Variants in MAP2K3 observed in about 807,000 individuals in gnomAD.
MAP2K3 encodes the protein dual specificity mitogen-activated protein kinase kinase 3.
MAP2K3 carries 30 observed loss-of-function variants against 46.4 expected under a neutral mutation model. That is an observed-to-expected ratio of 0.65 (90% CI 0.48 to 0.88). The LOEUF is 0.88. Among genes scored for constraint, MAP2K3 ranks in the 40% least tolerant of loss-of-function variants. The probability of loss-of-function intolerance (pLI) is 0.00; values close to 1 mark genes in which losing one functional copy is unlikely to be tolerated. For missense variants in MAP2K3, 380 were observed against 464.5 expected, an observed-to-expected ratio of 0.82 and a Z score of 1.67; for synonymous variants, 189 against 176.3, an observed-to-expected ratio of 1.07 and a Z score of -0.57.
chr17:21,312,223 T>C lies in MAP2K3; in HGVS notation c.856T>C (p.Ser286Pro). 6.2e-7 allele frequency: 1 copy of C among 1,601,932 alleles called. No individual in the cohort carries two copies. The highest frequency in any genetic ancestry group is 8.5e-7 in the Non-Finnish European group (1 of 1,175,828). ...QQLKQVVEEP[S>P]PQLPADRFSP... ...GCTGAAGCAGGTGGTGGAGGAGCCG[T>C]CCCCCCAGCTCCCAGCCGACCGTTT... Residue 286 changes from serine to proline, a missense_variant, in exon 10 of 12, where the codon TCC (serine) becomes CCC (proline). Physicochemically the swap from Ser to Pro is moderately conservative, Grantham distance 74 (BLOSUM62 -1). Coordinates refer to ENST00000342679, the MANE Select transcript of MAP2K3 (RefSeq NM_145109.3).
At chr17:21,299,127 T>C (rs1161533250) in intron 3 of MAP2K3, among the ~76,000 whole-genome samples, 4 of 152,304 alleles carry the variant, frequency 2.6e-5, no homozygotes, top group Non-Finnish European at 4.4e-5. Context: ...ATGAGGACCA[T>C]CGGCTGCCTG....
intron 1 of MAP2K3, chr17:21,291,777 T>G (rs982626839): frequency 5.2e-5 from 19 of 362,776 alleles, no homozygotes; most frequent in African/African-American, 4.0e-4. Context: ...AACCCCATCT[T>G]AGGAGTGAGT....
In MAP2K3 at chr17:21,300,799, T is replaced by C. The variant is rs571320139; in HGVS notation, c.280-75T>C. 2.0e-5 allele frequency: 33 copies of C among 1,612,334 alleles called. No homozygotes were observed. In the Middle Eastern group the frequency reaches 6.6e-4, roughly 32 times the overall value. ...CACACTGGGCAGTGGCCCCCTGAGC[T>C]CCTGGCCCTCCTGTCATGAGTGTGG... On this transcript the variant is annotated intron_variant, in intron 4 of 11. Transcript: ENST00000342679.
chr17:21,306,694 G>T (rs1434391385), intron 9 of MAP2K3, among the ~76,000 whole-genome samples: 1 of 152,208 alleles, frequency 6.6e-6, no homozygotes, highest in East Asian at 1.9e-4. Context: ...TGTTGGCGAG[G>T]CTGGTCTTGA....
chr17:21,302,041 G>A lies in MAP2K3; in HGVS notation c.400-102G>A, dbSNP rs903635533. The stretch of plus-strand genomic sequence containing the variant: ...GTGGCTGAGTGGGTGGGCACACGTC[G>A]GAGAGGGGGCTGGGGCTGGGGCTGG... On this transcript the variant is annotated intron_variant, in intron 5 of 11. Coordinates refer to ENST00000342679, the MANE Select transcript of MAP2K3 (RefSeq NM_145109.3). 41 of 7,730 alleles carry A rather than the reference G, an allele frequency of 5.3e-3. No homozygotes were observed. In the East Asian group the frequency reaches 0.22, roughly 41 times the overall value. The allele number at this position is 7,730 out of a possible 1,614,324, so 0.5% of individuals were successfully genotyped here. A position where few individuals can be genotyped will look rare whatever the true frequency, so the allele number is the denominator to read the frequency against.
At chr17:21,303,562 C>A (rs1180010422) in intron 7 of MAP2K3, among the ~76,000 whole-genome samples, 1 of 152,312 alleles carries the variant, frequency 6.6e-6, no homozygotes, top group African/African-American at 2.4e-5. Context: ...CTCCAAGATG[C>A]AGGACAATTC....
chr17:21,302,321 C>T (rs1976654347), intron 6 of MAP2K3, 62 bp downstream of exon 6: 1 of 1,512,802 alleles, frequency 6.6e-7, no homozygotes, highest in Non-Finnish European at 9.2e-7. Context: ...CCAGCCCTGC[C>T]AGCAGGCATG....
intron 3 of MAP2K3, 79 bp downstream of exon 3, chr17:21,299,005 T>G: frequency 1.9e-6 from 3 of 1,586,170 alleles, no homozygotes; most frequent in Non-Finnish European, 2.6e-6. Context: ...AGGGCCACTT[T>G]GGGGGGAGGT....
At chr17:21,302,851 G>C (rs2144597452) in intron 6 of MAP2K3, among the ~76,000 whole-genome samples, 1 of 152,428 alleles carries the variant, frequency 6.6e-6, no homozygotes, top group African/African-American at 2.4e-5. Flanking sequence ...CTAGAATACT[G>C]GCTCTGCCAC....
At chr17:21,308,332 G>C (rs2063813046) in intron 9 of MAP2K3, among the ~76,000 whole-genome samples, 1 of 152,292 alleles carries the variant, frequency 6.6e-6, no homozygotes, top group South Asian at 2.1e-4. Flanking sequence ...ATTTTTAGTA[G>C]AGACGGGGTT....
At chr17:21,302,570 AC>A (rs1976667862) in intron 6 of MAP2K3, among the ~76,000 whole-genome samples, 1 of 152,312 alleles carries the variant, frequency 6.6e-6, no homozygotes, top group Non-Finnish European at 1.5e-5. Flanking sequence ...AGTATTTACA[AC>A]AGCGTCATAC....
At chr17:21,313,592 T>TGGGGGGGGGGGGGG in intron 11 of MAP2K3, 55 bp downstream of exon 11, 2 of 819,720 alleles carry the variant, frequency 2.4e-6, no homozygotes. Flanking sequence ...TGGGGCTGGG[T>TGGGGGGGGGGGGGG]GGGGCTCTGG....
At chr17:21,313,846 A>G (rs1008827938) in intron 11 of MAP2K3, 32 of 570,450 alleles carry the variant, frequency 5.6e-5, no homozygotes, top group Non-Finnish European at 7.2e-5. Context: ...GGAAGGATGA[A>G]TAAGGGTTAT....
At position 21,300,638 on chromosome 17, in the gene MAP2K3, G is replaced by A. The variant is rs1204923291; in HGVS notation, c.259G>A (p.Gly87Ser). The stretch of plus-strand genomic sequence containing the variant: ...AGAGAAGGTGCGGCACGCCCAGAGC[G>A]GCACCATCATGGCCGTGAAGGTGAG... ...VVEKVRHAQS[G>S]TIMAVKRIRA... Residue 87 changes from glycine to serine, a missense_variant, in exon 4 of 12, where the codon GGC becomes AGC. Coordinates refer to ENST00000342679, the MANE Select transcript of MAP2K3 (RefSeq NM_145109.3). 7.5e-6 allele frequency: 12 copies of A among 1,610,582 alleles called. No homozygotes were observed. Among genetic ancestry groups the A allele is most frequent in the Admixed American group, 1.7e-5 (1 of 59,344 alleles).
intron 7 of MAP2K3, among the ~76,000 whole-genome samples, chr17:21,304,178 C>T (rs1030639552): frequency 3.9e-5 from 6 of 152,424 alleles, no homozygotes; most frequent in Middle Eastern, 3.4e-3. Flanking sequence ...TTGCAGTGGC[C>T]GGGCCGGGCT....
In MAP2K3 at chr17:21,284,796, C is replaced by G; in HGVS notation, c.-125C>G. The G allele has an allele frequency of 1.7e-6, 2 of 1,146,842 alleles. No homozygotes were observed. The highest frequency in any genetic ancestry group is 2.4e-6 in the Non-Finnish European group (2 of 847,328). 71.0% of individuals were successfully genotyped at this position (1,146,842 alleles called of 1,614,324 possible). A position where few individuals can be genotyped will look rare whatever the true frequency, so the allele number is the denominator to read the frequency against. On this transcript the variant is annotated 5_prime_UTR_variant, in exon 1 of 12. Coordinates refer to ENST00000342679, the MANE Select transcript of MAP2K3 (RefSeq NM_145109.3). ...TCGCCGCAGTCGCCGCCGCCGCCGC[C>G]GCCGCCGCCGCTGCTCCTCCGCCTG...
In MAP2K3 at chr17:21,302,145, A is replaced by T. The variant is rs781187878; in HGVS notation, c.402A>T (p.Gly134=). Residue 134 remains glycine, a splice_region_variant and synonymous_variant, in exon 6 of 12, where the codon GGA becomes GGT. Transcript: ENST00000342679. The stretch of plus-strand genomic sequence containing the variant: ...TGAGCTCTGGGTGTCACCCACAGGG[A>T]GACGTGTGGATCTGCATGGAGCTCA... ...VTFYGALFRE[G]DVWICMELMD... The T allele has an allele frequency of 1.2e-6, 2 of 1,614,058 alleles. No homozygotes were observed. The highest frequency in any genetic ancestry group is 1.3e-5 in the African/African-American group (1 of 74,960).
Position 21,300,556 on chromosome 17 carries a change from G to A in MAP2K3, c.177G>A (p.Val59=). The stretch of plus-strand genomic sequence containing the variant: ...TTCCATCCTTCAAGAACTTTGAGGT[G>A]GAGGCTGATGACTTGGTGACCATCT... The part of the protein sequence containing the change: ...FITIGDRNFE[V]EADDLVTISE... The change falls in exon 4 of 12, where the codon GTG becomes GTA. Residue 59 remains valine, a synonymous_variant. Coordinates refer to ENST00000342679, the MANE Select transcript of MAP2K3 (RefSeq NM_145109.3). The A allele has an allele frequency of 6.2e-7, 1 of 1,610,832 alleles. No individual in the cohort carries two copies. The highest frequency in any genetic ancestry group is 8.5e-7 in the Non-Finnish European group (1 of 1,178,648).
At chr17:21,288,022 C>A (rs117620351) in intron 1 of MAP2K3, 12 of 1,289,136 alleles carry the variant, frequency 9.3e-6, no homozygotes, top group Non-Finnish European at 1.2e-5. Context: ...CATGGCCCAG[C>A]GCCCAAAGGG....
Sources: gnomAD v4.1 joint callset for allele counts (sites outside exome capture counted in the v4.1 genomes callset) on GRCh38, gnomAD v4.1.1 for gene constraint, MANE v1.5 for transcripts, NCBI Gene and HGNC (gene_info 2026-07-23, HGNC 2026-07-21) for gene names.